The following ZNF462 variants were observed in gnomAD, a reference collection of about 807,000 sequenced individuals.
The protein encoded by ZNF462 is zinc finger protein 462.
A neutral mutation model predicts 201.9 loss-of-function variants in ZNF462; 10 were observed. That is an observed-to-expected ratio of 0.05 (90% CI 0.03 to 0.08). The LOEUF (loss-of-function observed/expected upper bound fraction) is 0.08. Ranked by LOEUF, ZNF462 falls within the 10% of genes least tolerant of loss-of-function variation. The probability of loss-of-function intolerance (pLI) is 1.00; values close to 1 mark genes in which losing one functional copy is unlikely to be tolerated. For synonymous variants in ZNF462, 1,227 were observed against 1,193.3 expected (o/e 1.03, Z -0.58); for missense variants, 2,523 against 3,168.3 (o/e 0.80, Z 4.89).
rs1831299333 is a variant in ZNF462, at chr9:106,950,589, A to T, written c.6427+11482A>T. ...ATGCCATCAATATGTCTATTAGAAG[A>T]AACATAATAATTGTCATAACTAAAC... is the stretch of plus-strand genomic sequence containing the variant. On this transcript the variant is annotated intron_variant, in intron 7 of 12. Coordinates refer to ENST00000277225, the MANE Select transcript of ZNF462 (RefSeq NM_021224.6). This position sits in a 1 kb window ranked among gnomAD's most constrained non-coding sequence, Gnocchi z 4.1. 1.3e-5 allele frequency among the ~76,000 whole-genome samples: 2 copies of T among 152,210 alleles called. No individual in the cohort carries two copies. Among genetic ancestry groups the T allele is most frequent in the Non-Finnish European group, 2.9e-5 (2 of 68,034 alleles).
rs1407693989 is a variant in ZNF462, at chr9:106,883,814, G to A, written c.-31+20459G>A. 1.3e-5 allele frequency among the ~76,000 whole-genome samples: 2 copies of A among 152,142 alleles called. No homozygotes were observed. The highest frequency in any genetic ancestry group is 2.4e-5 in the African/African-American group (1 of 41,420). ...CATTTAGATGGACAGGGGAGCCTAC[G>A]CAAGTCATGGGGGCTGGTGAGCAAA... On this transcript the variant is annotated intron_variant, in intron 1 of 12. Transcript: ENST00000277225. The surrounding 1 kb of genome is among the most constrained non-coding windows in gnomAD (Gnocchi z 4.9).
intron 7 of ZNF462, among the ~76,000 whole-genome samples, chr9:106,944,050 T>A (rs141090191): frequency 2.4e-3 from 369 of 152,288 alleles, no homozygotes; most frequent in African/African-American, 8.3e-3. Context: ...AAGCTGAAGG[T>A]TGAGACAGGG....
In ZNF462 at chr9:107,009,698, G is replaced by T. The variant is rs1218681206; in HGVS notation, c.7313+30G>T. 2 of 1,581,070 alleles carry T rather than the reference G, an allele frequency of 1.3e-6. No individual in the cohort carries two copies. Among genetic ancestry groups the T allele is most frequent in the Admixed American group, 1.7e-5 (1 of 59,184 alleles). ...GTTGGGCCACTTCAAGGATGCCTTT[G>T]TCCAAAGCAAGAGGTAGGGAGGGAG... is the stretch of plus-strand genomic sequence containing the variant. On this transcript the variant is annotated intron_variant, in intron 12 of 12. Transcript: ENST00000277225. This position sits in a 1 kb window ranked among gnomAD's most constrained non-coding sequence, Gnocchi z 6.1.
chr9:106,953,816 A>C (rs555419118), intron 7 of ZNF462, among the ~76,000 whole-genome samples: 1 of 151,932 alleles, frequency 6.6e-6, no homozygotes, highest in East Asian at 1.9e-4. Context: ...CTAAAATGGA[A>C]CTCATTAATT....
chr9:106,911,906 A>G (rs1829564098), intron 1 of ZNF462, among the ~76,000 whole-genome samples: 2 of 152,228 alleles, frequency 1.3e-5, no homozygotes, highest in African/African-American at 2.4e-5. Context: ...ATAAATTAAT[A>G]TATTAGTAAA....
At chr9:106,976,195 G>A (rs1167890280) in intron 9 of ZNF462, 1 of 152,196 alleles carries the variant, frequency 6.6e-6, no homozygotes, top group Non-Finnish European at 1.5e-5. Context: ...GAAAAAGCTA[G>A]CTGAGAGTTT....
intron 1 of ZNF462, among the ~76,000 whole-genome samples, chr9:106,907,586 ATATT>A (rs1294682123): frequency 6.6e-6 from 1 of 151,830 alleles, no homozygotes; most frequent in East Asian, 1.9e-4. Context: ...CTTATTTTCT[ATATT>A]TATGTTTTGC....
Position 106,924,609 on chromosome 9 carries a change from G to A in ZNF462, c.697G>A (p.Val233Ile). 6.2e-7 allele frequency: 1 copy of A among 1,614,130 alleles called. No homozygotes were observed. The highest frequency in any genetic ancestry group is 1.1e-5 in the South Asian group (1 of 91,066). Residue 233 changes from valine (V) to isoleucine (I), a missense_variant, in exon 3 of 13, where the codon GTC becomes ATC. By Grantham distance (29) the Val-to-Ile change is conservative (BLOSUM62 3). Around this residue, in one of 15 missense-constraint regions of ZNF462, gnomAD observed 480 missense variants for 544.4 expected, o/e 0.88. Transcript: ENST00000277225. This position sits in a 1 kb window ranked among gnomAD's most constrained non-coding sequence, Gnocchi z 6.2. ...GGAGCGCAGCATCTTAGAGTCTATG[G>A]TCAAGCCTTTGACCAAATCTCGAGG... ...VVERSILESM[V>I]KPLTKSRGNF...
intron 10 of ZNF462, among the ~76,000 whole-genome samples, chr9:106,986,238 T>A (rs1229744999): frequency 6.6e-6 from 1 of 152,134 alleles, no homozygotes; most frequent in Non-Finnish European, 1.5e-5. Flanking sequence ...AGGCTGAGGC[T>A]TTGAGGTATG....
At chr9:106,995,945 C>G (rs569043316) in intron 10 of ZNF462, among the ~76,000 whole-genome samples, 3 of 152,254 alleles carry the variant, frequency 2.0e-5, no homozygotes, top group Admixed American at 2.0e-4. Flanking sequence ...AGGTATATCT[C>G]CTAATGCTAT....
Position 106,954,594 on chromosome 9 carries a change from A to G in ZNF462, c.6427+15487A>G, listed in dbSNP as rs1286493678. On this transcript the variant is annotated intron_variant, in intron 7 of 12. Coordinates refer to ENST00000277225, the MANE Select transcript of ZNF462 (RefSeq NM_021224.6). The surrounding 1 kb of genome is among the most constrained non-coding windows in gnomAD (Gnocchi z 4.0). Reference sequence around the variant, plus strand: ...TTCCATCAGCTGCCTCATTCTCCCTATATTCTAGCCTAACTGGAATGAGCA... The same window carrying G: ...TTCCATCAGCTGCCTCATTCTCCCTGTATTCTAGCCTAACTGGAATGAGCA... 1.3e-5 allele frequency among the ~76,000 whole-genome samples: 2 copies of G among 151,334 alleles called. No homozygotes were observed. The highest frequency in any genetic ancestry group is 2.9e-5 in the Non-Finnish European group (2 of 67,942).
At position 106,895,973 on chromosome 9, in the gene ZNF462, A is replaced by G. The variant is rs1828794340; in HGVS notation, c.-30-27381A>G. Among the ~76,000 whole-genome samples, 1 of 152,208 alleles carries G rather than the reference A, an allele frequency of 6.6e-6. No homozygotes were observed. The highest frequency in any genetic ancestry group is 2.4e-5 in the African/African-American group (1 of 41,456). On this transcript the variant is annotated intron_variant, in intron 1 of 12. Transcript: ENST00000277225. The surrounding 1 kb of genome is among the most constrained non-coding windows in gnomAD (Gnocchi z 4.4). ...TGCAAAAAAAACAAGAACATTCATT[A>G]TCTAACCCGCCCTTTCTAGCCTTAA...
intron 1 of ZNF462, among the ~76,000 whole-genome samples, chr9:106,874,810 C>T (rs574336995): frequency 6.6e-5 from 10 of 152,194 alleles, no homozygotes; most frequent in Non-Finnish European, 1.2e-4. Context: ...TTGTGAAATT[C>T]ATCCCTGCCC....
chr9:106,862,872 C>T (rs1211078551), upstream of ZNF462, among the ~76,000 whole-genome samples: 1 of 151,952 alleles, frequency 6.6e-6, no homozygotes, highest in Non-Finnish European at 1.5e-5. The surrounding 1 kb of genome is among the most constrained non-coding windows in gnomAD (Gnocchi z 4.2). Flanking sequence ...CTCTGCTGCA[C>T]GTTGTTGTTG....
At chr9:106,951,832 C>G (rs1465515699) in intron 7 of ZNF462, among the ~76,000 whole-genome samples, 1 of 151,754 alleles carries the variant, frequency 6.6e-6, no homozygotes, top group Non-Finnish European at 1.5e-5. Flanking sequence ...ACCTCTTCTC[C>G]AAGTCATAAC....
chr9:106,984,593 A>G lies in ZNF462; in HGVS notation c.7056+184A>G, dbSNP rs1827690189. Among the ~76,000 whole-genome samples, 1 of 152,166 alleles carries G rather than the reference A, an allele frequency of 6.6e-6. No homozygotes were observed. Among genetic ancestry groups the G allele is most frequent in the South Asian group, 2.1e-4 (1 of 4,814 alleles). ...AGGTCATTTTTAAAAATTGCGAAAC[A>G]CAGGTTGGGTGGAAGGGAAATCACC... is the stretch of plus-strand genomic sequence containing the variant. On this transcript the variant is annotated intron_variant, in intron 10 of 12. Transcript: ENST00000277225. The surrounding 1 kb of genome is among the most constrained non-coding windows in gnomAD (Gnocchi z 6.4).
chr9:106,978,175 A>C lies in ZNF462; in HGVS notation c.6832+3902A>C, dbSNP rs78699361. On this transcript the variant is annotated intron_variant, in intron 9 of 12. Coordinates refer to ENST00000277225, the MANE Select transcript of ZNF462 (RefSeq NM_021224.6). This position sits in a 1 kb window ranked among gnomAD's most constrained non-coding sequence, Gnocchi z 4.1. ...ACTGATTGCCATCTGCAAAGAACCT[A>C]TGTCCCAATAAAGTCTGGGGTTCCA... Among the ~76,000 whole-genome samples the C allele has an allele frequency of 6.6e-6, 1 of 151,378 alleles. No homozygotes were observed. The highest frequency in any genetic ancestry group is 1.5e-5 in the Non-Finnish European group (1 of 68,032).
Position 106,905,761 on chromosome 9 carries a change from C to T in ZNF462, c.-30-17593C>T, listed in dbSNP as rs183808724. On this transcript the variant is annotated intron_variant, in intron 1 of 12. Transcript: ENST00000277225. The surrounding 1 kb of genome is among the most constrained non-coding windows in gnomAD (Gnocchi z 5.9). ...CTCACCGTGACCCCCGCAACAGCCC[C>T]GAGTCTGTTTCCAGGTGGAGGGCGA... 4.8e-4 allele frequency among the ~76,000 whole-genome samples: 73 copies of T among 152,226 alleles called. No individual in the cohort carries two copies. Among genetic ancestry groups the T allele is most frequent in the African/African-American group, 1.7e-3 (70 of 41,534 alleles).
Position 106,927,042 on chromosome 9 carries a change from T to C in ZNF462, c.3130T>C (p.Ser1044Pro). 6.2e-7 allele frequency: 1 copy of C among 1,614,116 alleles called. No individual in the cohort carries two copies. Residue 1044 changes from serine (S) to proline (P), a missense_variant, in exon 3 of 13, where the codon TCT becomes CCT. Coordinates refer to ENST00000277225, the MANE Select transcript of ZNF462 (RefSeq NM_021224.6). The stretch of plus-strand genomic sequence containing the variant: ...TTCGTTTGCAAGCCCCAACATGCAT[T>C]CTGTCTTGGTTCATTATCAGAAGAA... ...VCSFASPNMHSVLVHYQKKHP... is the reference protein window; with the variant it reads ...VCSFASPNMHPVLVHYQKKHP...
Sources: allele counts gnomAD v4.1 joint callset (sites outside exome capture counted in the v4.1 genomes callset), GRCh38; gene constraint gnomAD v4.1.1; regional missense constraint gnomAD v4.1.1; non-coding constraint Gnocchi (gnomAD v3.1); transcripts MANE v1.5; gene names NCBI Gene and HGNC (gene_info 2026-07-23, HGNC 2026-07-21).